Variants in STXBP3 observed in about 807,000 individuals in gnomAD.
The protein encoded by STXBP3 is syntaxin-binding protein 3.
Under a neutral mutation model 85.7 loss-of-function variants are expected in STXBP3, and 41 were observed. That is an observed-to-expected ratio of 0.48 (90% CI 0.37 to 0.62). The LOEUF (loss-of-function observed/expected upper bound fraction) is 0.62. Among genes scored for constraint, STXBP3 ranks in the 20% least tolerant of loss-of-function variants. The probability of loss-of-function intolerance (pLI) is 0.00; values close to 1 mark genes in which losing one functional copy is unlikely to be tolerated. For synonymous variants in STXBP3, 229 were observed against 231.7 expected, an observed-to-expected ratio of 0.99 and a Z score of 0.10; for missense variants, 563 against 703.1, an observed-to-expected ratio of 0.80 and a Z score of 2.25.
rs1452040663 is a variant in STXBP3, at chr1:108,772,278, CAT to C, written c.439-381_439-380del. ...AAATACATATGATATCTATCTGTAT[CAT>C]ATATAAATACATATGATATCTGTAT... On this transcript the variant is annotated intron_variant, in intron 6 of 18. Coordinates refer to ENST00000370008, the MANE Select transcript of STXBP3 (RefSeq NM_007269.4). Among the ~76,000 whole-genome samples, 10 of 72,284 alleles carry C rather than the reference CAT, an allele frequency of 1.4e-4. 4 individuals carry two copies. Among genetic ancestry groups the C allele is most frequent in the South Asian group, 4.1e-4 (1 of 2,418 alleles). 47.4% of individuals were successfully genotyped at this position (72,284 alleles called of 152,430 possible). A position where few individuals can be genotyped will look rare whatever the true frequency, so the allele number is the denominator to read the frequency against.
At chr1:108,767,293 GGTAAC>G (rs1662283929) in intron 6 of STXBP3, 1 of 226,960 alleles carries the variant, frequency 4.4e-6, no homozygotes, top group African/African-American at 2.4e-5. Flanking sequence ...TTCCAAAGGA[GGTAAC>G]GTTCTTCAGC....
At chr1:108,779,180 A>C in intron 8 of STXBP3, 106 bp from the exon 9 acceptor site, 2 of 1,216,978 alleles carry the variant, frequency 1.6e-6, no homozygotes, top group South Asian at 2.0e-5. Context: ...TGGTGGGGAA[A>C]AGGGACAGAA....
rs374573833 is a variant in STXBP3 at position 108,796,746 on chromosome 1, G to A, written c.1356+20G>A. The A allele has an allele frequency of 1.9e-5, 30 of 1,589,904 alleles. No homozygotes were observed. Among genetic ancestry groups the A allele is most frequent in the Non-Finnish European group, 2.5e-5 (29 of 1,162,846 alleles). ...CCCCAAGTAAGAAGTCTTATGTTGT[G>A]TATATACTTTATATGTATGTGTATG... On this transcript the variant is annotated intron_variant, in intron 15 of 18. Coordinates refer to ENST00000370008, the MANE Select transcript of STXBP3 (RefSeq NM_007269.4).
intron 7 of STXBP3, 62 bp from the exon 8 acceptor site, chr1:108,776,271 A>T: frequency 9.4e-7 from 1 of 1,067,118 alleles, no homozygotes; most frequent in Non-Finnish European, 1.3e-6. Context: ...ATTAAACTTC[A>T]TGATATTATA....
rs571092418 is a variant in STXBP3, at chr1:108,776,002, T to C, written c.594-331T>C. Among the ~76,000 whole-genome samples, 18 of 151,978 alleles carry C rather than the reference T, an allele frequency of 1.2e-4. No individual in the cohort carries two copies. The South Asian group carries it at 3.7e-3, about 32-fold the overall frequency. On this transcript the variant is annotated intron_variant, in intron 7 of 18. Transcript: ENST00000370008. ...GAGGGAGAATACACATGAAATTAAT[T>C]ATAATGGTTGCCTTGGTTTGAGGCA... is the stretch of plus-strand genomic sequence containing the variant.
At chr1:108,769,049 G>A (rs1453042175) in intron 6 of STXBP3, among the ~76,000 whole-genome samples, 1 of 152,144 alleles carries the variant, frequency 6.6e-6, no homozygotes, top group Non-Finnish European at 1.5e-5. Flanking sequence ...ATAGCCTGCT[G>A]TTGAGTGGAA....
intron 1 of STXBP3, among the ~76,000 whole-genome samples, chr1:108,751,500 A>T (rs1382168802): frequency 6.6e-6 from 1 of 152,098 alleles, no homozygotes; most frequent in African/African-American, 2.4e-5. Flanking sequence ...TAACCATCTC[A>T]TTAATAAGAT....
At chr1:108,784,938 G>T (rs1201999869) in intron 11 of STXBP3, among the ~76,000 whole-genome samples, 2 of 152,178 alleles carry the variant, frequency 1.3e-5, no homozygotes, top group Non-Finnish European at 2.9e-5. Context: ...TCACATCTGG[G>T]TCATGTTGAT....
At chr1:108,796,194 T>G in intron 13 of STXBP3, 40 bp from the exon 14 acceptor site, 1 of 1,589,544 alleles carries the variant, frequency 6.3e-7, no homozygotes, top group South Asian at 1.1e-5. Flanking sequence ...AAAAATGAAT[T>G]TTGGTTATAG....
chr1:108,796,022 C>T (rs961712365), intron 13 of STXBP3, among the ~76,000 whole-genome samples: 2 of 152,048 alleles, frequency 1.3e-5, no homozygotes, highest in African/African-American at 4.8e-5. Context: ...CCTGCCACCA[C>T]GCCCGGCTAA....
intron 1 of STXBP3, among the ~76,000 whole-genome samples, chr1:108,749,985 T>G (rs1019074387): frequency 7.9e-5 from 12 of 152,174 alleles, no homozygotes; most frequent in Non-Finnish European, 1.6e-4. Context: ...TATTCTGTAC[T>G]TACAGGATAT....
In STXBP3 at chr1:108,782,470, T is replaced by A. The variant is rs778475319; in HGVS notation, c.858T>A (p.Asp286Glu). 4 of 1,613,762 alleles carry A rather than the reference T, an allele frequency of 2.5e-6. No homozygotes were observed. In the South Asian group the frequency reaches 4.4e-5, roughly 18 times the overall value. ...AGGAGGCCATCCTTGAAGAAGAAGA[T>A]GACCTCTGGGTTAGAATTCGACATC... ...KEKEAILEEEDDLWVRIRHRH... is the reference protein window; with the variant it reads ...KEKEAILEEEEDLWVRIRHRH... Residue 286 changes from aspartate to glutamate, a missense_variant, in exon 10 of 19, where the codon GAT becomes GAA. Asp to Glu is a conservative substitution (Grantham distance 45). Around this residue, in one of 3 missense-constraint regions of STXBP3, gnomAD observed 494 missense variants for 592.8 expected, o/e 0.83. Transcript: ENST00000370008.
At chr1:108,769,462 TAGTG>T (rs943385280) in intron 6 of STXBP3, among the ~76,000 whole-genome samples, 1 of 152,110 alleles carries the variant, frequency 6.6e-6, no homozygotes, top group African/African-American at 2.4e-5. Context: ...CAGTGAACCT[TAGTG>T]AGTACAGAGA....
At chr1:108,750,354 A>G (rs373354951) in intron 1 of STXBP3, among the ~76,000 whole-genome samples, 1 of 152,156 alleles carries the variant, frequency 6.6e-6, no homozygotes, top group Admixed American at 6.5e-5. Context: ...GGCTTAAATT[A>G]TGGTTAAATA....
At chr1:108,778,038 T>C (rs1217051677) in intron 8 of STXBP3, among the ~76,000 whole-genome samples, 1 of 152,168 alleles carries the variant, frequency 6.6e-6, no homozygotes, top group African/African-American at 2.4e-5. Flanking sequence ...AAGCATTTTG[T>C]CCAAACTTGT....
intron 6 of STXBP3, among the ~76,000 whole-genome samples, chr1:108,764,261 T>TAG (rs1456428064): frequency 1.3e-4 from 19 of 151,870 alleles, no homozygotes; most frequent in Admixed American, 1.2e-3. Context: ...CATATATATA[T>TAG]AGAGAGAGAT....
At chr1:108,794,779 C>A (rs751934842) in intron 12 of STXBP3, 48 bp from the exon 13 acceptor site, 1 of 1,550,150 alleles carries the variant, frequency 6.5e-7, no homozygotes, top group Non-Finnish European at 8.8e-7. Context: ...ACCAGTTGCA[C>A]AAAAGTCATT....
rs752554683 is a variant in STXBP3 at position 108,796,342 on chromosome 1, G to T, written c.1219G>T (p.Ala407Ser). 2.5e-6 allele frequency: 4 copies of T among 1,569,190 alleles called. No individual in the cohort carries two copies. The South Asian group carries it at 4.5e-5, about 17-fold the overall frequency. ...TCATGATAATTGTGATAAAATAAGA[G>T]CAATTCTACTTTATATCTTCAGTAT... Reference protein sequence around the residue: ...KNHDNCDKIRAILLYIFSING... With the variant: ...KNHDNCDKIRSILLYIFSING... The change falls in exon 14 of 19, where the codon GCA (alanine) becomes TCA (serine). Residue 407 changes from alanine to serine, a missense_variant. Physicochemically the swap from Ala to Ser is moderately conservative, Grantham distance 99. Transcript: ENST00000370008.
chr1:108,765,659 C>T (rs1662248455), intron 6 of STXBP3, among the ~76,000 whole-genome samples: 1 of 146,470 alleles, frequency 6.8e-6, no homozygotes, highest in Non-Finnish European at 1.5e-5. Context: ...ACTGCAACCT[C>T]CACCAGGTTC....
Sources: allele counts gnomAD v4.1 joint callset (sites outside exome capture counted in the v4.1 genomes callset), GRCh38; gene constraint gnomAD v4.1.1; regional missense constraint gnomAD v4.1.1; transcripts MANE v1.5; gene names NCBI Gene and HGNC (gene_info 2026-07-23, HGNC 2026-07-21).